Variants in OXR1 observed in about 807,000 individuals in gnomAD.
OXR1 encodes the protein oxidation resistance protein 1.
A neutral mutation model predicts 104.6 loss-of-function variants in OXR1; 41 were observed. That is an observed-to-expected ratio of 0.39 (90% confidence interval 0.31 to 0.51). The LOEUF (loss-of-function observed/expected upper bound fraction) is 0.51. Ranked by LOEUF, OXR1 falls within the 20% of genes least tolerant of loss-of-function variation. The pLI is 0.77. For synonymous variants in OXR1, 348 were observed against 348.4 expected (o/e 1.00, Z 0.01); for missense variants, 955 against 1,031.9 (o/e 0.93, Z 1.02).
At chr8:106,576,003 C>CAA (rs1225308443) in intron 3 of OXR1, among the ~76,000 whole-genome samples, 1 of 151,584 alleles carries the variant, frequency 6.6e-6, no homozygotes, top group African/African-American at 2.4e-5. Context: ...CACACACACA[C>CAA]ACACACACAC....
chr8:106,707,170 T>G (rs1384810644), intron 9 of OXR1, 25 bp downstream of exon 9: 1 of 1,605,814 alleles, frequency 6.2e-7, no homozygotes, highest in Non-Finnish European at 8.5e-7. Flanking sequence ...GTAAATGAAG[T>G]TAGTTCATCC....
intron 3 of OXR1, among the ~76,000 whole-genome samples, chr8:106,568,088 T>A (rs1817211819): frequency 1.3e-5 from 2 of 152,126 alleles, no homozygotes; most frequent in Non-Finnish European, 2.9e-5. Flanking sequence ...TTTCCTGATC[T>A]AAAATTCTGT....
chr8:106,687,341 G>C (rs1828834501), intron 6 of OXR1, among the ~76,000 whole-genome samples: 1 of 152,172 alleles, frequency 6.6e-6, no homozygotes, highest in Non-Finnish European at 1.5e-5. Context: ...TTTAGGGATA[G>C]AGGAGTCTTC....
At chr8:106,274,079 C>A (rs970092964) in intron 1 of OXR1, among the ~76,000 whole-genome samples, 4 of 152,090 alleles carry the variant, frequency 2.6e-5, no homozygotes, top group African/African-American at 9.7e-5. Context: ...TGAAACACCC[C>A]AAAATATTCC....
chr8:106,703,709 A>G (rs1354663248), intron 8 of OXR1, among the ~76,000 whole-genome samples: 1 of 152,180 alleles, frequency 6.6e-6, no homozygotes, highest in Non-Finnish European at 1.5e-5. Flanking sequence ...AGCTTTTGAA[A>G]GTAATATGCT....
At chr8:106,344,276 C>A (rs1436558738) in intron 1 of OXR1, among the ~76,000 whole-genome samples, 1 of 152,184 alleles carries the variant, frequency 6.6e-6, no homozygotes, top group Non-Finnish European at 1.5e-5. Context: ...CTCTCCTAAT[C>A]CCTCCACAGG....
At chr8:106,419,785 T>G (rs1818830072) in intron 2 of OXR1, among the ~76,000 whole-genome samples, 1 of 152,180 alleles carries the variant, frequency 6.6e-6, no homozygotes, top group African/African-American at 2.4e-5. Flanking sequence ...AGCTGACAGT[T>G]TTATTTTATT....
rs1283968322 is a variant in OXR1, at chr8:106,694,772, TAAATACATATATATTTAATAG to T, written c.675+1897_675+1917del. ...TATATTAATATATATATTTAATAGA[TAAATACATATATATTTAATAG>T]ATAAATACATATATATTTAATAGAT... On this transcript the variant is annotated intron_variant, in intron 7 of 16. Transcript: ENST00000517566. Among the ~76,000 whole-genome samples, 206 of 118,718 alleles carry T rather than the reference TAAATACATATATATTTAATAG, an allele frequency of 1.7e-3. 3 individuals are homozygous for T. Among genetic ancestry groups the T allele is most frequent in the African/African-American group, 5.3e-3 (159 of 29,954 alleles). The allele number at this position is 118,718 out of a possible 152,430, so 77.9% of individuals were successfully genotyped here.
At chr8:106,470,021 T>A (rs1586682718) in intron 2 of OXR1, among the ~76,000 whole-genome samples, 1 of 151,862 alleles carries the variant, frequency 6.6e-6, no homozygotes, top group African/African-American at 2.4e-5. Context: ...GGAATATACT[T>A]GATCAGTTTG....
At chr8:106,394,944 T>C (rs1427077088) in intron 2 of OXR1, among the ~76,000 whole-genome samples, 3 of 143,050 alleles carry the variant, frequency 2.1e-5, no homozygotes, top group Admixed American at 7.3e-5. Flanking sequence ...CAGGATGGAA[T>C]GCAGACTGAG....
At chr8:106,488,467 C>G (rs926624478) in intron 2 of OXR1, among the ~76,000 whole-genome samples, 3 of 151,768 alleles carry the variant, frequency 2.0e-5, no homozygotes, top group Non-Finnish European at 4.4e-5. Context: ...GTTGCCATTG[C>G]TTTTGGTGTT....
chr8:106,577,044 A>G (rs1379394242), intron 3 of OXR1, among the ~76,000 whole-genome samples: 3 of 152,182 alleles, frequency 2.0e-5, no homozygotes, highest in Admixed American at 1.3e-4. Context: ...GAAAATTATT[A>G]AATGTATGAG....
chr8:106,577,378 C>CTTTTT lies in OXR1; in HGVS notation c.220+58263_220+58267dup, dbSNP rs5893798. Among the ~76,000 whole-genome samples the CTTTTT allele has an allele frequency of 9.2e-4, 40 of 43,604 alleles. 4 individuals are homozygous for CTTTTT. Among genetic ancestry groups the CTTTTT allele is most frequent in the Non-Finnish European group, 1.1e-3 (28 of 25,646 alleles). 28.6% of individuals were successfully genotyped at this position (43,604 alleles called of 152,430 possible). A position where few individuals can be genotyped will look rare whatever the true frequency, so the allele number is the denominator to read the frequency against. On this transcript the variant is annotated intron_variant, in intron 3 of 16. Coordinates refer to ENST00000517566, the MANE Select transcript of OXR1 (RefSeq NM_001198533.2). The stretch of plus-strand genomic sequence containing the variant: ...GGCGCCCGCCACTATGCCCAGCTAA[C>CTTTTT]TTTTTTTTTTTTTTTTTTTTTTTTT...
chr8:106,736,097 G>C (rs199947420), intron 11 of OXR1, among the ~76,000 whole-genome samples: 3 of 152,004 alleles, frequency 2.0e-5, no homozygotes, highest in South Asian at 2.1e-4. Flanking sequence ...GATTTGATAT[G>C]CACTTTTACT....
chr8:106,694,577 A>G (rs1408940239), intron 7 of OXR1, among the ~76,000 whole-genome samples: 1 of 122,518 alleles, frequency 8.2e-6, no homozygotes, highest in Non-Finnish European at 1.6e-5. Context: ...TTTGATATAT[A>G]AATGTTTATA....
chr8:106,470,422 C>T (rs774909551), intron 2 of OXR1, among the ~76,000 whole-genome samples: 8 of 151,448 alleles, frequency 5.3e-5, no homozygotes, highest in African/African-American at 1.2e-4. Context: ...AGAATAAGTC[C>T]GAGTATTTTG....
At chr8:106,683,176 A>C in intron 4 of OXR1, 23 bp from the exon 5 acceptor site, 1 of 1,184,536 alleles carries the variant, frequency 8.4e-7, no homozygotes, top group African/African-American at 1.5e-5. Flanking sequence ...ACATTGAAAT[A>C]ATTTATTTTT....
chr8:106,515,232 T>A (rs993760677), intron 2 of OXR1, among the ~76,000 whole-genome samples: 1 of 152,072 alleles, frequency 6.6e-6, no homozygotes, highest in Non-Finnish European at 1.5e-5. Context: ...GGGTACAAAA[T>A]GATGTTTTGA....
intron 1 of OXR1, among the ~76,000 whole-genome samples, chr8:106,359,203 A>G (rs914646144): frequency 6.6e-6 from 1 of 152,084 alleles, no homozygotes; most frequent in East Asian, 1.9e-4. Context: ...GGTTCCTCCA[A>G]ATCACATTCT....
Sources: allele counts gnomAD v4.1 joint callset (sites outside exome capture counted in the v4.1 genomes callset), GRCh38; gene constraint gnomAD v4.1.1; transcripts MANE v1.5; gene names NCBI Gene and HGNC (gene_info 2026-07-23, HGNC 2026-07-21).